The following MTUS2 variants were observed in gnomAD, a reference collection of about 807,000 sequenced individuals.
MTUS2 encodes microtubule-associated tumor suppressor candidate 2.
In MTUS2, 40 loss-of-function variants were observed where a neutral mutation model predicts 114.1. The observed-to-expected ratio is 0.35, with a 90% CI of 0.27 to 0.46. The LOEUF is 0.46. Ranked by LOEUF, MTUS2 falls within the 20% of genes least tolerant of loss-of-function variation. MTUS2 has a pLI of 1.00. For synonymous variants in MTUS2, 688 were observed against 672.0 expected (o/e 1.02, Z -0.37); for missense variants, 1,679 against 1,705.4 (o/e 0.98, Z 0.27).
intron 5 of MTUS2, among the ~76,000 whole-genome samples, chr13:29,148,577 C>G (rs1892538753): frequency 4.0e-5 from 3 of 74,220 alleles, no homozygotes; most frequent in African/African-American, 9.7e-5. Flanking sequence ...CTCCCGGGTT[C>G]ACGCCATTCT....
intron 2 of MTUS2, among the ~76,000 whole-genome samples, chr13:28,962,184 C>G (rs1385567174): frequency 6.6e-6 from 1 of 151,926 alleles, no homozygotes; most frequent in East Asian, 1.9e-4. Context: ...TACTAGCTTA[C>G]ATGATGGGAA....
At chr13:28,854,866 G>C (rs1325198916) in intron 2 of MTUS2, among the ~76,000 whole-genome samples, 1 of 152,148 alleles carries the variant, frequency 6.6e-6, no homozygotes, top group Non-Finnish European at 1.5e-5. Flanking sequence ...TAGCAGCTTA[G>C]TATCCTGGCA....
At chr13:29,162,299 C>T (rs1246572192) in intron 5 of MTUS2, among the ~76,000 whole-genome samples, 1 of 152,186 alleles carries the variant, frequency 6.6e-6, no homozygotes, top group Non-Finnish European at 1.5e-5. Context: ...ACACTATTAA[C>T]TCAGTGTACA....
At chr13:29,329,747 G>A (rs1432288919) in intron 7 of MTUS2, among the ~76,000 whole-genome samples, 1 of 151,670 alleles carries the variant, frequency 6.6e-6, no homozygotes, top group Non-Finnish European at 1.5e-5. Flanking sequence ...CTGAGTAGCT[G>A]GGACTACAGG....
At chr13:29,343,624 G>T (rs191769378) in intron 7 of MTUS2, among the ~76,000 whole-genome samples, 92 of 151,690 alleles carry the variant, frequency 6.1e-4, no homozygotes, top group Non-Finnish European at 1.9e-4. Flanking sequence ...TTTATCTTTT[G>T]TATTATTTTG....
intron 6 of MTUS2, among the ~76,000 whole-genome samples, chr13:29,286,458 G>A (rs1349913818): frequency 6.6e-6 from 1 of 152,184 alleles, no homozygotes; most frequent in Non-Finnish European, 1.5e-5. Flanking sequence ...TCTAGTGTCT[G>A]TTTAAAGAGT....
At chr13:28,983,655 C>A (rs941279004) in intron 2 of MTUS2, among the ~76,000 whole-genome samples, 1 of 152,196 alleles carries the variant, frequency 6.6e-6, no homozygotes, top group African/African-American at 2.4e-5. Flanking sequence ...GGAGCAGCAG[C>A]ACCATCTGAA....
intron 2 of MTUS2, among the ~76,000 whole-genome samples, chr13:29,002,178 C>T (rs1885414333): frequency 6.6e-6 from 1 of 152,186 alleles, no homozygotes. Flanking sequence ...ATTGAGTGGG[C>T]TGTATTATAC....
chr13:29,443,350 G>C (rs927992113), intron 9 of MTUS2, among the ~76,000 whole-genome samples: 10 of 152,214 alleles, frequency 6.6e-5, no homozygotes, highest in African/African-American at 1.7e-4. Context: ...ATTGGGTTGG[G>C]TGCCGGGTGT....
At chr13:28,861,986 C>A (rs913636370) in intron 2 of MTUS2, among the ~76,000 whole-genome samples, 3 of 152,054 alleles carry the variant, frequency 2.0e-5, no homozygotes, top group South Asian at 4.2e-4. Context: ...GAAAGAAAAC[C>A]CTTTTTAGTT....
intron 2 of MTUS2, among the ~76,000 whole-genome samples, chr13:28,999,797 G>A (rs1885301263): frequency 6.6e-6 from 1 of 152,082 alleles, no homozygotes; most frequent in Non-Finnish European, 1.5e-5. Flanking sequence ...GCCAGCCTCT[G>A]GTAACCACTA....
intron 2 of MTUS2, among the ~76,000 whole-genome samples, chr13:28,970,523 C>T (rs1883805308): frequency 6.6e-6 from 1 of 152,186 alleles, no homozygotes; most frequent in Non-Finnish European, 1.5e-5. Flanking sequence ...GCCTGCAAAG[C>T]CTGAAGTATT....
chr13:28,920,757 A>G (rs1176424799), intron 2 of MTUS2, among the ~76,000 whole-genome samples: 1 of 152,188 alleles, frequency 6.6e-6, no homozygotes, highest in Non-Finnish European at 1.5e-5. Context: ...CTAGTACTCA[A>G]ACCACAAGAC....
At chr13:28,829,062 A>G (rs779170920) in intron 1 of MTUS2, among the ~76,000 whole-genome samples, 1 of 152,250 alleles carries the variant, frequency 6.6e-6, no homozygotes, top group Non-Finnish European at 1.5e-5. Flanking sequence ...TGGCAAAAAT[A>G]TCAAAATAAA....
chr13:29,129,027 C>T (rs186234599), intron 5 of MTUS2, among the ~76,000 whole-genome samples: 6 of 152,250 alleles, frequency 3.9e-5, no homozygotes, highest in East Asian at 1.9e-4. Context: ...CCCTAAATGT[C>T]GGGCCTTGTA....
At chr13:29,502,386 C>T (rs2490268) in intron 15 of MTUS2, among the ~76,000 whole-genome samples, 140,787 of 152,358 alleles carry the variant, frequency 0.92, 65,864 homozygotes, top group Non-Finnish European at 1. Flanking sequence ...GCATCTGTTA[C>T]GTGCCTAGCA....
chr13:28,871,192 A>C (rs1877597014), intron 2 of MTUS2, among the ~76,000 whole-genome samples: 1 of 152,166 alleles, frequency 6.6e-6, no homozygotes, highest in Non-Finnish European at 1.5e-5. Context: ...TAATTATTAA[A>C]TATTTCTTAA....
intron 4 of MTUS2, among the ~76,000 whole-genome samples, chr13:29,060,543 C>CTTTTTTTT (rs1162860492): frequency 3.0e-4 from 30 of 101,076 alleles, no homozygotes; most frequent in East Asian, 9.5e-4. Context: ...CCTAGCCCTT[C>CTTTTTTTT]TTTTTTTTTT....
At chr13:29,281,626 T>C in intron 5 of MTUS2, 78 bp from the exon 6 acceptor site, 1 of 1,442,766 alleles carries the variant, frequency 6.9e-7, no homozygotes, top group South Asian at 1.2e-5. Flanking sequence ...GCAGTAGGAT[T>C]GGTTGGCAAG....
Sources: allele counts gnomAD v4.1 joint callset (sites outside exome capture counted in the v4.1 genomes callset), GRCh38; gene constraint gnomAD v4.1.1; transcripts MANE v1.5; gene names NCBI Gene and HGNC (gene_info 2026-07-23, HGNC 2026-07-21).